ARHGAP24: variants seen among roughly 807,000 people sequenced by gnomAD.
The protein encoded by ARHGAP24 is rho GTPase-activating protein 24.
In ARHGAP24, 50 loss-of-function variants were observed where a neutral mutation model predicts 76.4. That is an observed-to-expected ratio of 0.65 (90% CI 0.52 to 0.83). The LOEUF is 0.83. Ranked by LOEUF, ARHGAP24 falls within the 40% of genes least tolerant of loss-of-function variation. The pLI is 0.00. For synonymous variants in ARHGAP24, 345 were observed against 323.3 expected, an observed-to-expected ratio of 1.07 and a Z score of -0.72; for missense variants, 930 against 914.2, an observed-to-expected ratio of 1.02 and a Z score of -0.22.
intron 3 of ARHGAP24, among the ~76,000 whole-genome samples, chr4:85,904,518 T>G (rs1734670398): frequency 6.6e-6 from 1 of 152,216 alleles, no homozygotes. Context: ...ATCAAATGTC[T>G]TTGAGAAATG....
chr4:85,790,691 T>C (rs1232359940), intron 3 of ARHGAP24, among the ~76,000 whole-genome samples: 1 of 152,186 alleles, frequency 6.6e-6, no homozygotes, highest in African/African-American at 2.4e-5. Flanking sequence ...GGACAACAAG[T>C]AGTCATCACA....
At chr4:85,638,181 G>T (rs956143420) in intron 2 of ARHGAP24, among the ~76,000 whole-genome samples, 2 of 152,226 alleles carry the variant, frequency 1.3e-5, no homozygotes, top group East Asian at 1.9e-4. Context: ...GAACTGCTGT[G>T]ATGATTTAGC....
chr4:85,636,786 C>T (rs754237071), intron 2 of ARHGAP24, among the ~76,000 whole-genome samples: 2 of 151,978 alleles, frequency 1.3e-5, no homozygotes, highest in Non-Finnish European at 2.9e-5. Flanking sequence ...ATTAATTTCT[C>T]TTTTTTAATG....
intron 3 of ARHGAP24, among the ~76,000 whole-genome samples, chr4:85,879,960 T>C (rs1264517796): frequency 1.3e-5 from 2 of 152,080 alleles, no homozygotes; most frequent in Admixed American, 1.3e-4. Flanking sequence ...GGGTTTACAC[T>C]CCTATGAGAA....
chr4:85,548,695 T>C (rs1399213317), intron 1 of ARHGAP24, among the ~76,000 whole-genome samples: 1 of 152,190 alleles, frequency 6.6e-6, no homozygotes, highest in East Asian at 1.9e-4. Context: ...AGCAAAATAA[T>C]TTGTGCACAG....
intron 3 of ARHGAP24, among the ~76,000 whole-genome samples, chr4:85,744,689 C>T (rs1388122813): frequency 6.6e-6 from 1 of 150,834 alleles, no homozygotes; most frequent in African/African-American, 2.4e-5. Context: ...GTAGCTGTGA[C>T]ATTCCTGACT....
chr4:85,825,018 A>C (rs1179605904), intron 3 of ARHGAP24, among the ~76,000 whole-genome samples: 2 of 152,074 alleles, frequency 1.3e-5, no homozygotes, highest in Non-Finnish European at 2.9e-5. Context: ...TGAACCTGGG[A>C]GGCGGAGGTT....
At chr4:85,749,387 C>G (rs900666094) in intron 3 of ARHGAP24, among the ~76,000 whole-genome samples, 1 of 152,292 alleles carries the variant, frequency 6.6e-6, no homozygotes, top group Middle Eastern at 3.4e-3. Context: ...TTTTAAAAAG[C>G]TAGACTTCTA....
At chr4:85,920,343 T>A (rs1467936723) in intron 3 of ARHGAP24, among the ~76,000 whole-genome samples, 1 of 152,054 alleles carries the variant, frequency 6.6e-6, no homozygotes, top group Non-Finnish European at 1.5e-5. Flanking sequence ...TGACTAAGTT[T>A]CAGACTCCTC....
At chr4:85,546,004 T>C (rs1725907390) in intron 1 of ARHGAP24, among the ~76,000 whole-genome samples, 1 of 152,204 alleles carries the variant, frequency 6.6e-6, no homozygotes, top group Non-Finnish European at 1.5e-5. Flanking sequence ...TTCAGATGTC[T>C]AATTGTTTTA....
intron 2 of ARHGAP24, among the ~76,000 whole-genome samples, chr4:85,615,287 A>G (rs942393001): frequency 2.6e-5 from 4 of 151,966 alleles, no homozygotes; most frequent in Non-Finnish European, 5.9e-5. Context: ...TTTATTACAT[A>G]TATTGTATTT....
chr4:85,895,411 T>C (rs1319430970), intron 3 of ARHGAP24, among the ~76,000 whole-genome samples: 2 of 152,090 alleles, frequency 1.3e-5, no homozygotes, highest in Non-Finnish European at 2.9e-5. Flanking sequence ...TATCCCAAAG[T>C]AGATCACCTG....
chr4:85,620,054 T>G (rs1157883103), intron 2 of ARHGAP24, among the ~76,000 whole-genome samples: 1 of 152,042 alleles, frequency 6.6e-6, no homozygotes, highest in East Asian at 1.9e-4. Flanking sequence ...ATGATTGATT[T>G]TCACTTAATA....
At chr4:85,676,444 C>T (rs778914415) in intron 2 of ARHGAP24, among the ~76,000 whole-genome samples, 1 of 152,118 alleles carries the variant, frequency 6.6e-6, no homozygotes, top group Non-Finnish European at 1.5e-5. Context: ...GCAAGCTCCC[C>T]CGGAAACTGT....
intron 3 of ARHGAP24, among the ~76,000 whole-genome samples, chr4:85,814,034 G>C (rs1364136887): frequency 2.0e-5 from 3 of 151,830 alleles, no homozygotes; most frequent in Admixed American, 1.3e-4. Context: ...AGAGCCAAGA[G>C]AAATAGGTTT....
chr4:85,919,723 T>C (rs1306889718), intron 3 of ARHGAP24, among the ~76,000 whole-genome samples: 1 of 152,156 alleles, frequency 6.6e-6, no homozygotes, highest in Non-Finnish European at 1.5e-5. Context: ...TTCAGGCAGA[T>C]ACACACTGTA....
chr4:85,898,249 A>T (rs1174774204), intron 3 of ARHGAP24, among the ~76,000 whole-genome samples: 1 of 151,956 alleles, frequency 6.6e-6, no homozygotes, highest in African/African-American at 2.4e-5. Flanking sequence ...GCCAATAGAA[A>T]ACAGAACCAT....
chr4:85,977,478 A>G, intron 7 of ARHGAP24, 92 bp from the exon 8 acceptor site: 1 of 1,416,058 alleles, frequency 7.1e-7, no homozygotes, highest in Non-Finnish European at 9.8e-7. Context: ...CTTTGAACAT[A>G]ACTTTAGTTT....
intron 3 of ARHGAP24, chr4:85,778,807 A>C (rs1249136233): frequency 1.0e-6 from 1 of 985,260 alleles, no homozygotes; most frequent in Non-Finnish European, 1.2e-6. Context: ...TATAGCTACC[A>C]CCGCTTTGAA....
Sources: gnomAD v4.1 joint callset for allele counts (sites outside exome capture counted in the v4.1 genomes callset) on GRCh38, gnomAD v4.1.1 for gene constraint, MANE v1.5 for transcripts, NCBI Gene and HGNC (gene_info 2026-07-23, HGNC 2026-07-21) for gene names.